ZNF441: variants seen among roughly 807,000 people sequenced by gnomAD.
ZNF441 encodes the protein zinc finger protein 441.
Under a neutral mutation model 64.5 loss-of-function variants are expected in ZNF441, and 25 were observed. The observed-to-expected ratio is 0.39, with a 90% CI of 0.28 to 0.54. ZNF441 has a LOEUF of 0.54. ZNF441 is among the 20% of genes least tolerant of loss of function. The probability of loss-of-function intolerance (pLI) is 0.70; values close to 1 mark genes in which losing one functional copy is unlikely to be tolerated. For synonymous variants in ZNF441, 262 were observed against 268.0 expected, an observed-to-expected ratio of 0.98 and a Z score of 0.22; for missense variants, 715 against 843.3, an observed-to-expected ratio of 0.85 and a Z score of 1.88.
chr19:11,780,295 A>G lies in ZNF441; in HGVS notation c.471A>G (p.Gln157=). Residue 157 remains glutamine (Q), a synonymous_variant, in exon 4 of 4, where the codon CAA becomes CAG. Coordinates refer to ENST00000357901, the MANE Select transcript of ZNF441 (RefSeq NM_152355.3). Reference sequence around the variant, plus strand: ...CTTTCAGTTATCAGCCCTGCTTTCAAATACATGAAAGACCTCAGCATGGAA... The same window carrying G: ...CTTTCAGTTATCAGCCCTGCTTTCAGATACATGAAAGACCTCAGCATGGAA... ...GTAFSYQPCF[Q]IHERPQHGKK... 6.2e-7 allele frequency: 1 copy of G among 1,614,202 alleles called. No individual in the cohort carries two copies.
Position 11,782,114 on chromosome 19 carries a change from TTC to T in ZNF441, c.*210_*211del, listed in dbSNP as rs1455416567. The T allele has an allele frequency of 1.6e-5, 7 of 438,902 alleles. No homozygotes were observed. Among genetic ancestry groups the T allele is most frequent in the Non-Finnish European group, 2.4e-5 (6 of 251,722 alleles). 27.2% of individuals were successfully genotyped at this position (438,902 alleles called of 1,614,324 possible). On this transcript the variant is annotated 3_prime_UTR_variant, in exon 4 of 4. Transcript: ENST00000357901. Reference sequence around the variant, plus strand: ...TGAATGTGAGGAATATGAAAAAACTTTCTTTGTCTAGCAAACTTTCAAAGGTG... The same window carrying T: ...TGAATGTGAGGAATATGAAAAAACTTTTTGTCTAGCAAACTTTCAAAGGTG...
In ZNF441 at chr19:11,781,857, A is replaced by G. The variant is rs1975407252; in HGVS notation, c.2033A>G (p.Glu678Gly). 3 of 1,608,432 alleles carry G rather than the reference A, an allele frequency of 1.9e-6. No individual in the cohort carries two copies. The highest frequency in any genetic ancestry group is 1.7e-4 in the Middle Eastern group (1 of 6,046). The change falls in exon 4 of 4, where the codon GAA becomes GGA. Residue 678 changes from glutamate (E) to glycine (G), a missense_variant. Physicochemically the swap from Glu to Gly is moderately conservative, Grantham distance 98 (BLOSUM62 -2). Transcript: ENST00000357901. ...CCCTATAAGTGTAAAGAATGTGGGGAAGCATTTCATTGTATCAGTTCCTTT... is the reference window on the plus strand; with the variant it reads ...CCCTATAAGTGTAAAGAATGTGGGGGAGCATTTCATTGTATCAGTTCCTTT... ...EKPYKCKECG[E>G]AFHCISSFHK...
At chr19:11,771,402 T>A (rs567773442) in intron 1 of ZNF441, among the ~76,000 whole-genome samples, 22 of 152,314 alleles carry the variant, frequency 1.4e-4, no homozygotes, top group African/African-American at 5.3e-4. Context: ...AGTCCCAGGC[T>A]GTGGGCAGCA....
In ZNF441 at chr19:11,782,012, A is replaced by C. The variant is rs1975408994; in HGVS notation, c.*106A>C. ...TGAAAAAAGTTGTATGAATATAAAAATGTACTAAAACCTTCCATTTTTTTC... is the reference window on the plus strand; with the variant it reads ...TGAAAAAAGTTGTATGAATATAAAACTGTACTAAAACCTTCCATTTTTTTC... On this transcript the variant is annotated 3_prime_UTR_variant, in exon 4 of 4. Transcript: ENST00000357901. The C allele has an allele frequency of 2.1e-6, 2 of 945,978 alleles. No individual in the cohort carries two copies. Among genetic ancestry groups the C allele is most frequent in the African/African-American group, 1.6e-5 (1 of 61,148 alleles). 58.6% of individuals were successfully genotyped at this position (945,978 alleles called of 1,614,324 possible). A position where few individuals can be genotyped will look rare whatever the true frequency, so the allele number is the denominator to read the frequency against.
chr19:11,780,693 A>T lies in ZNF441; in HGVS notation c.869A>T (p.Tyr290Phe). 6.2e-7 allele frequency: 1 copy of T among 1,613,916 alleles called. No individual in the cohort carries two copies. The highest frequency in any genetic ancestry group is 8.5e-7 in the Non-Finnish European group (1 of 1,179,940). The change falls in exon 4 of 4, where the codon TAT (tyrosine) becomes TTT (phenylalanine). Residue 290 changes from tyrosine (Y) to phenylalanine (F), a missense_variant. Transcript: ENST00000357901. ...TGTAAGCAATGTGGGAAAGCATTTT[A>T]TCATCTTGGAAGCTTTCAAAGACAC... ...YECKQCGKAF[Y>F]HLGSFQRHMI...
rs562444864 is a variant in ZNF441 at position 11,779,516 on chromosome 19, TG to T, written c.195-500del. Among the ~76,000 whole-genome samples, 220 of 151,592 alleles carry T rather than the reference TG, an allele frequency of 1.5e-3. 3 individuals carry two copies. Among genetic ancestry groups the T allele is most frequent in the Non-Finnish European group, 2.1e-3 (142 of 67,832 alleles). On this transcript the variant is annotated intron_variant, in intron 3 of 3. Transcript: ENST00000357901. ...ATCTCAGCATTTTGGGAGGCTGAGGTGGGCAGATCACGAGGTCAGGAGATCG... is the reference window on the plus strand; with the variant it reads ...ATCTCAGCATTTTGGGAGGCTGAGGTGGCAGATCACGAGGTCAGGAGATCG...
Position 11,781,817 on chromosome 19 carries a change from C to G in ZNF441, c.1993C>G (p.His665Asp), listed in dbSNP as rs1403686055. 14 of 1,613,910 alleles carry G rather than the reference C, an allele frequency of 8.7e-6. No homozygotes were observed. In the Middle Eastern group the frequency reaches 2.0e-3, roughly 228 times the overall value. ...TGCCTTTCATAAACATGAAAGGACC[C>G]ACAGTATGGAGAAACCCTATAAGTG... ...PSAFHKHERT[H>D]SMEKPYKCKE... is the part of the protein sequence containing the mutation. Residue 665 changes from histidine (H) to aspartate (D), a missense_variant, in exon 4 of 4, where the codon CAC becomes GAC. This residue lies in a region of ZNF441 where 316 missense variants were observed against 429.3 expected (regional missense o/e 0.74). Transcript: ENST00000357901.
At chr19:11,777,812 T>A in intron 2 of ZNF441, 75 bp downstream of exon 2, 1 of 1,541,200 alleles carries the variant, frequency 6.5e-7, no homozygotes, top group Non-Finnish European at 8.8e-7. Context: ...GTTCAATTAT[T>A]TGAAATATGG....
chr19:11,771,882 G>A (rs1259541081), intron 1 of ZNF441, among the ~76,000 whole-genome samples: 1 of 152,164 alleles, frequency 6.6e-6, no homozygotes, highest in Non-Finnish European at 1.5e-5. Context: ...TCTTGTGGAG[G>A]GCCTGACATC....
rs1486795003 is a variant in ZNF441, at chr19:11,780,518, G to A, written c.694G>A (p.Ala232Thr). 5 of 1,614,162 alleles carry A rather than the reference G, an allele frequency of 3.1e-6. 1 individual carries two copies. In the Admixed American group the frequency reaches 6.7e-5, roughly 22 times the overall value. Residue 232 changes from alanine to threonine, a missense_variant, in exon 4 of 4, where the codon GCG becomes ACG. Transcript: ENST00000357901. Reference sequence around the variant, plus strand: ...ATATGAATATGAGCAGTGTTCTACAGCGTTTCCTGCTTATAGTTCCACTCT... The same window carrying A: ...ATATGAATATGAGCAGTGTTCTACAACGTTTCCTGCTTATAGTTCCACTCT... ...KPYEYEQCST[A>T]FPAYSSTLRH... is the part of the protein sequence containing the mutation.
Position 11,767,304 on chromosome 19 carries a change from C to G in ZNF441, c.3+108C>G. 1 of 1,509,152 alleles carries G rather than the reference C, an allele frequency of 6.6e-7. No individual in the cohort carries two copies. The highest frequency in any genetic ancestry group is 1.2e-5 in the South Asian group (1 of 82,410). The allele number at this position is 1,509,152 out of a possible 1,614,324, so 93.5% of individuals were successfully genotyped here. ...GTCTTCCCCGCCGGCGACACCCTGG[C>G]GCAGCTCGGCCCTCGGTTCCCTCGG... On this transcript the variant is annotated intron_variant, in intron 1 of 3. Coordinates refer to ENST00000357901, the MANE Select transcript of ZNF441 (RefSeq NM_152355.3). This position sits in a 1 kb window ranked among gnomAD's most constrained non-coding sequence, Gnocchi z 5.1.
At chr19:11,774,078 C>A (rs1391648566) in intron 1 of ZNF441, among the ~76,000 whole-genome samples, 2 of 151,956 alleles carry the variant, frequency 1.3e-5, no homozygotes, top group Non-Finnish European at 2.9e-5. Context: ...TATAGTAAAT[C>A]TCTTTGTTTC....
chr19:11,773,083 G>A (rs1307448916), intron 1 of ZNF441, among the ~76,000 whole-genome samples: 4 of 152,072 alleles, frequency 2.6e-5, no homozygotes, highest in Admixed American at 6.5e-5. Flanking sequence ...GAGCCACTGC[G>A]CCCGGCCTGC....
In ZNF441 at chr19:11,769,626, G is replaced by T. The variant is rs558405905; in HGVS notation, c.3+2430G>T. Among the ~76,000 whole-genome samples, 3 of 151,968 alleles carry T rather than the reference G, an allele frequency of 2.0e-5. No homozygotes were observed. In the South Asian group the frequency reaches 6.2e-4, roughly 32 times the overall value. On this transcript the variant is annotated intron_variant, in intron 1 of 3. Coordinates refer to ENST00000357901, the MANE Select transcript of ZNF441 (RefSeq NM_152355.3). ...CATTTCTCAAAGCTATAAAGGCTGA[G>T]AATTCAGTTTCAAGCAGCAGGTCAG...
chr19:11,781,211 C>A lies in ZNF441; in HGVS notation c.1387C>A (p.Arg463=). The change falls in exon 4 of 4, where the codon CGA becomes AGA. Residue 463 remains arginine (R), a synonymous_variant. Coordinates refer to ENST00000357901, the MANE Select transcript of ZNF441 (RefSeq NM_152355.3). ...AGCCTTCAGGTCTTCCAATTACATTCGAGTACATGAAAAGACTCACACTGG... is the reference window on the plus strand; with the variant it reads ...AGCCTTCAGGTCTTCCAATTACATTAGAGTACATGAAAAGACTCACACTGG... ...GKAFRSSNYI[R]VHEKTHTGEK... 1 of 1,613,480 alleles carries A rather than the reference C, an allele frequency of 6.2e-7. No individual in the cohort carries two copies. The highest frequency in any genetic ancestry group is 8.5e-7 in the Non-Finnish European group (1 of 1,179,880).
chr19:11,776,406 G>T (rs1417491030), intron 1 of ZNF441, among the ~76,000 whole-genome samples: 1 of 152,068 alleles, frequency 6.6e-6, no homozygotes, highest in Non-Finnish European at 1.5e-5. Flanking sequence ...ATCTGTTTTT[G>T]GAAAGCTGTT....
intron 2 of ZNF441, chr19:11,778,037 G>T: frequency 2.5e-6 from 1 of 405,312 alleles, no homozygotes; most frequent in Non-Finnish European, 4.4e-6. Flanking sequence ...GAAACCATAG[G>T]TAAGTGGAAC....
chr19:11,779,606 G>A (rs1347097514), intron 3 of ZNF441, among the ~76,000 whole-genome samples: 1 of 152,136 alleles, frequency 6.6e-6, no homozygotes, highest in Non-Finnish European at 1.5e-5. Context: ...TTAGCCAGGT[G>A]TGGTGGCAGG....
Position 11,767,099 on chromosome 19 carries a change from G to A in ZNF441, c.-95G>A, listed in dbSNP as rs573420564. On this transcript the variant is annotated 5_prime_UTR_variant, in exon 1 of 4. Coordinates refer to ENST00000357901, the MANE Select transcript of ZNF441 (RefSeq NM_152355.3). The surrounding 1 kb of genome is among the most constrained non-coding windows in gnomAD (Gnocchi z 5.1). ...TGGGCTCCGGGTTCTGTCACTGAGA[G>A]ACGCCCTGGAACGTCTGTGGCAGCT... 4.5e-4 allele frequency: 687 copies of A among 1,543,342 alleles called. No homozygotes were observed. The highest frequency in any genetic ancestry group is 5.8e-4 in the Non-Finnish European group (664 of 1,139,952).
Sources: allele counts gnomAD v4.1 joint callset (sites outside exome capture counted in the v4.1 genomes callset), GRCh38; gene constraint gnomAD v4.1.1; regional missense constraint gnomAD v4.1.1; non-coding constraint Gnocchi (gnomAD v3.1); transcripts MANE v1.5; gene names NCBI Gene and HGNC (gene_info 2026-07-23, HGNC 2026-07-21).